EXOC4: variants seen among roughly 807,000 people sequenced by gnomAD.
EXOC4 encodes the protein exocyst complex component 4, also known as SEC8-like 1.
In EXOC4, 71 loss-of-function variants were observed where a neutral mutation model predicts 107.2. That is an observed-to-expected ratio of 0.66 (90% CI 0.55 to 0.81). EXOC4 has a LOEUF of 0.81. Among genes scored for constraint, EXOC4 ranks in the 30% least tolerant of loss-of-function variants. The pLI, the probability that EXOC4 is intolerant of heterozygous loss-of-function variation, is 0.00. For synonymous variants in EXOC4, 456 were observed against 441.2 expected (o/e 1.03, Z -0.42); for missense variants, 1,108 against 1,189.6 (o/e 0.93, Z 1.01).
chr7:133,984,497 T>G (rs189337086), intron 14 of EXOC4, among the ~76,000 whole-genome samples: 138 of 152,322 alleles, frequency 9.1e-4, no homozygotes, highest in African/African-American at 3.2e-3. Context: ...GTTAAAGGCA[T>G]TGTGAAAATA....
intron 12 of EXOC4, among the ~76,000 whole-genome samples, chr7:133,911,719 C>G (rs1023305490): frequency 1.3e-5 from 2 of 152,194 alleles, no homozygotes; most frequent in Admixed American, 1.3e-4. Context: ...ACGGTACCAT[C>G]TCACACCTAC....
chr7:133,988,640 A>C (rs1794175598), intron 14 of EXOC4, among the ~76,000 whole-genome samples: 1 of 152,170 alleles, frequency 6.6e-6, no homozygotes, highest in South Asian at 2.1e-4. Context: ...TTCCTGGGGA[A>C]TCAGAAAAGA....
intron 14 of EXOC4, among the ~76,000 whole-genome samples, chr7:133,974,660 G>C (rs1232485346): frequency 6.6e-6 from 1 of 152,156 alleles, no homozygotes; most frequent in African/African-American, 2.4e-5. Context: ...AGTGAAACAA[G>C]AGTTCTGTTT....
At chr7:133,385,397 T>C in intron 7 of EXOC4, among the ~76,000 whole-genome samples, 1 of 152,224 alleles carries the variant, frequency 6.6e-6, no homozygotes, top group East Asian at 1.9e-4. Flanking sequence ...TGTCACAAGA[T>C]AGAGGCCGGT....
intron 11 of EXOC4, among the ~76,000 whole-genome samples, chr7:133,853,169 T>C (rs1798270867): frequency 6.6e-6 from 1 of 152,130 alleles, no homozygotes; most frequent in Non-Finnish European, 1.5e-5. Context: ...ACAATGCCAT[T>C]CTTTAGCATG....
chr7:133,503,150 C>T (rs1004358047), intron 9 of EXOC4, among the ~76,000 whole-genome samples: 4 of 152,018 alleles, frequency 2.6e-5, no homozygotes, highest in African/African-American at 9.7e-5. Context: ...TGTCTTTGGC[C>T]CAGGGTGGGA....
intron 10 of EXOC4, among the ~76,000 whole-genome samples, chr7:133,757,191 C>A (rs1353970387): frequency 6.6e-6 from 1 of 152,034 alleles, no homozygotes; most frequent in Non-Finnish European, 1.5e-5. Context: ...GATAGTGGAT[C>A]CTACTTTAAA....
At chr7:133,719,443 G>A (rs780635103) in intron 10 of EXOC4, among the ~76,000 whole-genome samples, 4 of 151,848 alleles carry the variant, frequency 2.6e-5, no homozygotes, top group African/African-American at 9.7e-5. Context: ...ATTAAAAGCA[G>A]GAAGACCTTT....
intron 14 of EXOC4, among the ~76,000 whole-genome samples, chr7:133,942,371 C>T (rs1800450597): frequency 6.6e-6 from 1 of 151,914 alleles, no homozygotes; most frequent in East Asian, 1.9e-4. Context: ...ACTATTTTCT[C>T]TATAAAATAT....
chr7:133,886,763 A>C (rs1280696656), intron 11 of EXOC4, among the ~76,000 whole-genome samples: 1 of 152,212 alleles, frequency 6.6e-6, no homozygotes, highest in Non-Finnish European at 1.5e-5. Flanking sequence ...AATTATTTGC[A>C]TTGCTAAAGA....
chr7:133,305,023 A>G (rs1297007076), intron 3 of EXOC4, among the ~76,000 whole-genome samples: 1 of 151,738 alleles, frequency 6.6e-6, no homozygotes, highest in African/African-American at 2.4e-5. Context: ...AAAAACAAAC[A>G]TAATTTTGTG....
chr7:134,013,478 C>T (rs1794821235), intron 17 of EXOC4, among the ~76,000 whole-genome samples: 1 of 152,008 alleles, frequency 6.6e-6, no homozygotes, highest in Admixed American at 6.5e-5. Flanking sequence ...TGGATGGGGT[C>T]CTGGAACAAA....
chr7:134,008,410 A>G (rs1794693164), intron 17 of EXOC4, among the ~76,000 whole-genome samples: 1 of 152,216 alleles, frequency 6.6e-6, no homozygotes, highest in African/African-American at 2.4e-5. Flanking sequence ...GCCTGAATAA[A>G]TATTTCATGG....
intron 10 of EXOC4, among the ~76,000 whole-genome samples, chr7:133,693,595 G>A (rs1208886559): frequency 1.3e-5 from 2 of 151,982 alleles, no homozygotes; most frequent in African/African-American, 2.4e-5. Context: ...GTGTAGCCAC[G>A]ATTCAAACAA....
intron 9 of EXOC4, among the ~76,000 whole-genome samples, chr7:133,499,298 T>C (rs1432790149): frequency 6.6e-6 from 1 of 152,176 alleles, no homozygotes; most frequent in Non-Finnish European, 1.5e-5. Context: ...ATCACTGGTA[T>C]AGTAAGCACC....
Position 133,312,378 on chromosome 7 carries a change from A to G in EXOC4, c.657-4906A>G, listed in dbSNP as rs376132262. Among the ~76,000 whole-genome samples, 25 of 152,330 alleles carry G rather than the reference A, an allele frequency of 1.6e-4. No individual in the cohort carries two copies. In the South Asian group the frequency reaches 4.1e-3, roughly 25 times the overall value. ...TATTGGTATAAATATTTGTATGTGTATAGAAAATGTCAGACAGATAATGTC... is the reference window on the plus strand; with the variant it reads ...TATTGGTATAAATATTTGTATGTGTGTAGAAAATGTCAGACAGATAATGTC... On this transcript the variant is annotated intron_variant, in intron 4 of 17. Transcript: ENST00000253861.
chr7:133,390,591 A>G (rs921341526), intron 7 of EXOC4, among the ~76,000 whole-genome samples: 1 of 152,150 alleles, frequency 6.6e-6, no homozygotes, highest in Non-Finnish European at 1.5e-5. Flanking sequence ...AGTGTCTTTT[A>G]GTTCCTTCAG....
chr7:133,670,004 G>C (rs1157422362), intron 10 of EXOC4, among the ~76,000 whole-genome samples: 1 of 152,168 alleles, frequency 6.6e-6, no homozygotes, highest in Non-Finnish European at 1.5e-5. Flanking sequence ...TAATGAACTT[G>C]GTAGATTTCC....
chr7:133,900,140 A>C (rs914897109), intron 12 of EXOC4, among the ~76,000 whole-genome samples: 11 of 152,150 alleles, frequency 7.2e-5, no homozygotes, highest in Non-Finnish European at 1.5e-5. Context: ...CTGAGCATTT[A>C]CCAAGATGCT....
Sources: allele counts gnomAD v4.1 joint callset (sites outside exome capture counted in the v4.1 genomes callset), GRCh38; gene constraint gnomAD v4.1.1; transcripts MANE v1.5; gene names NCBI Gene and HGNC (gene_info 2026-07-23, HGNC 2026-07-21).